The following GRIP1 variants were observed in gnomAD, a reference collection of about 807,000 sequenced individuals.
GRIP1 encodes glutamate receptor-interacting protein 1.
GRIP1 carries 45 observed loss-of-function variants against 129.9 expected under a neutral mutation model. The observed-to-expected ratio is 0.35, with a 90% CI of 0.27 to 0.44. The LOEUF (loss-of-function observed/expected upper bound fraction) is 0.44. GRIP1 is among the 20% of genes least tolerant of loss of function. The pLI is 1.00. For synonymous variants in GRIP1, 530 were observed against 520.8 expected (o/e 1.02, Z -0.24); for missense variants, 1,196 against 1,396.8 (o/e 0.86, Z 2.29).
chr12:66,624,546 T>C (rs1390378808), intron 1 of GRIP1, among the ~76,000 whole-genome samples: 1 of 152,136 alleles, frequency 6.6e-6, no homozygotes, highest in Non-Finnish European at 1.5e-5. Flanking sequence ...ATTAGAGAAA[T>C]AAAGCATGTA....
intron 2 of GRIP1, among the ~76,000 whole-genome samples, chr12:66,560,946 A>G (rs1441946895): frequency 6.6e-6 from 1 of 152,194 alleles, no homozygotes; most frequent in East Asian, 1.9e-4. Flanking sequence ...GTGTTCATCA[A>G]CAGATGAATG....
intron 2 of GRIP1, among the ~76,000 whole-genome samples, chr12:66,572,911 T>C (rs547659302): frequency 1.3e-5 from 2 of 152,282 alleles, no homozygotes; most frequent in African/African-American, 4.8e-5. Context: ...GACAGTTCTC[T>C]ATGATCCTTA....
At chr12:66,808,032 T>A (rs2039030231), upstream of GRIP1, among the ~76,000 whole-genome samples, 1 of 151,694 alleles carries the variant, frequency 6.6e-6, no homozygotes, top group Non-Finnish European at 1.5e-5. Flanking sequence ...TTAGCTATTA[T>A]AATACAACCA....
intron 1 of GRIP1, among the ~76,000 whole-genome samples, chr12:66,883,689 T>G (rs2040517623): frequency 6.6e-6 from 1 of 152,202 alleles, no homozygotes; most frequent in Non-Finnish European, 1.5e-5. Flanking sequence ...AGTAAAGCCC[T>G]GATTTATAAC....
At chr12:66,604,038 G>A (rs17779486) in intron 1 of GRIP1, among the ~76,000 whole-genome samples, 51,255 of 152,072 alleles carry the variant, frequency 0.34, 8,943 homozygotes, top group Non-Finnish European at 0.37. Context: ...AATCTTCCAT[G>A]GCACTGTCTC....
intron 1 of GRIP1, among the ~76,000 whole-genome samples, chr12:67,015,114 TGA>T (rs1365228459): frequency 2.6e-5 from 4 of 152,094 alleles, no homozygotes; most frequent in Non-Finnish European, 4.4e-5. Context: ...TCCTATTACC[TGA>T]GAGAGAAAAA....
chr12:66,378,264 A>G (rs1299114912), intron 20 of GRIP1, among the ~76,000 whole-genome samples: 1 of 152,062 alleles, frequency 6.6e-6, no homozygotes, highest in Non-Finnish European at 1.5e-5. Flanking sequence ...CAACATGGTG[A>G]AACCCTGTCT....
chr12:66,925,665 A>G (rs936113689), intron 1 of GRIP1, among the ~76,000 whole-genome samples: 9 of 152,220 alleles, frequency 5.9e-5, no homozygotes, highest in African/African-American at 2.2e-4. Context: ...GTTTTTTCAG[A>G]CGGAGTTTCA....
intron 19 of GRIP1, among the ~76,000 whole-genome samples, chr12:66,380,046 C>T (rs2056031211): frequency 6.6e-6 from 1 of 152,062 alleles, no homozygotes; most frequent in Non-Finnish European, 1.5e-5. Flanking sequence ...GCTAGGATTA[C>T]AGGAGTGCAC....
intron 1 of GRIP1, among the ~76,000 whole-genome samples, chr12:66,905,344 G>A (rs1346708107): frequency 2.0e-5 from 3 of 152,092 alleles, no homozygotes. Flanking sequence ...GTGTTTGTGA[G>A]GTGTGAGTGC....
At chr12:66,513,343 A>G (rs1478188839) in intron 7 of GRIP1, among the ~76,000 whole-genome samples, 1 of 152,176 alleles carries the variant, frequency 6.6e-6, no homozygotes, top group African/African-American at 2.4e-5. Context: ...TTTTAGAAAC[A>G]GCTTATTCGG....
chr12:66,648,382 C>T lies in GRIP1; in HGVS notation c.55+30468G>A, dbSNP rs141954511. 6.3e-3 allele frequency among the ~76,000 whole-genome samples: 960 copies of T among 152,272 alleles called. 10 individuals carry two copies. Among genetic ancestry groups the T allele is most frequent in the African/African-American group, 0.014 (564 of 41,548 alleles). On this transcript the variant is annotated intron_variant, in intron 1 of 24. Transcript: ENST00000359742. ...GTATCATGATTTGACCAAATGATCA[C>T]GAGAATATGGCTTCTCCCTTCTCTA...
chr12:66,537,523 TA>T (rs1439476355), intron 4 of GRIP1, among the ~76,000 whole-genome samples: 14 of 151,324 alleles, frequency 9.3e-5, no homozygotes, highest in Admixed American at 9.2e-4. Context: ...ATATATCATA[TA>T]TATATATATA....
At chr12:66,890,820 G>A (rs960068478) in intron 1 of GRIP1, among the ~76,000 whole-genome samples, 3 of 152,152 alleles carry the variant, frequency 2.0e-5, no homozygotes, top group Admixed American at 6.5e-5. Flanking sequence ...CAGGGTAACA[G>A]GTGTGCTGTG....
At chr12:66,938,237 A>G (rs1171281597) in intron 1 of GRIP1, among the ~76,000 whole-genome samples, 3 of 152,014 alleles carry the variant, frequency 2.0e-5, no homozygotes, top group Admixed American at 6.6e-5. Flanking sequence ...TTAGCTGGGC[A>G]TGGTGGCACA....
chr12:66,586,667 A>G (rs1168403596), intron 2 of GRIP1, among the ~76,000 whole-genome samples: 2 of 152,146 alleles, frequency 1.3e-5, no homozygotes, highest in Non-Finnish European at 2.9e-5. Context: ...CCAATTGTTA[A>G]GAGCAAAAAC....
chr12:66,991,216 T>C (rs916836799), intron 1 of GRIP1, among the ~76,000 whole-genome samples: 26 of 151,976 alleles, frequency 1.7e-4, no homozygotes, highest in African/African-American at 6.3e-4. Flanking sequence ...GAGCTTGCAG[T>C]GAGCCGAGAT....
intron 19 of GRIP1, among the ~76,000 whole-genome samples, chr12:66,383,647 G>A (rs531818399): frequency 2.8e-4 from 42 of 152,268 alleles, no homozygotes; most frequent in African/African-American, 9.1e-4. Context: ...CAATCTTGGG[G>A]CTCTCTGAGC....
intron 1 of GRIP1, among the ~76,000 whole-genome samples, chr12:66,662,522 C>T (rs2033570527): frequency 6.6e-6 from 1 of 152,112 alleles, no homozygotes; most frequent in Admixed American, 6.6e-5. Flanking sequence ...TAAAACTTCT[C>T]CAAAGGGAAG....
Sources: gnomAD v4.1 joint callset for allele counts (sites outside exome capture counted in the v4.1 genomes callset) on GRCh38, gnomAD v4.1.1 for gene constraint, MANE v1.5 for transcripts, NCBI Gene and HGNC (gene_info 2026-07-23, HGNC 2026-07-21) for gene names.